The following ANKFN1 variants were observed in gnomAD, a reference collection of about 807,000 sequenced individuals.
The protein encoded by ANKFN1 is ankyrin repeat and fibronectin type III domain containing 1.
Under a neutral mutation model 108.7 loss-of-function variants are expected in ANKFN1, and 74 were observed. That is an observed-to-expected ratio of 0.68 (90% CI 0.56 to 0.83). The LOEUF is 0.83. Ranked by LOEUF, ANKFN1 falls within the 40% of genes least tolerant of loss-of-function variation. The pLI, the probability that ANKFN1 is intolerant of heterozygous loss-of-function variation, is 0.00. For synonymous variants in ANKFN1, 547 were observed against 516.2 expected (o/e 1.06, Z -0.81); for missense variants, 1,505 against 1,382.3 (o/e 1.09, Z -1.41).
intron 1 of ANKFN1, among the ~76,000 whole-genome samples, chr17:56,196,352 A>C (rs75870778): frequency 0.025 from 3,875 of 152,328 alleles, 78 homozygotes; most frequent in Non-Finnish European, 0.036. Flanking sequence ...CCAGGTACTC[A>C]GTCAAGTAAT....
chr17:56,299,272 T>C (rs904026134), intron 3 of ANKFN1, among the ~76,000 whole-genome samples: 1 of 152,130 alleles, frequency 6.6e-6, no homozygotes, highest in Non-Finnish European at 1.5e-5. Context: ...TGGTGAGGTC[T>C]CCCCGCATCT....
intron 4 of ANKFN1, among the ~76,000 whole-genome samples, chr17:56,061,191 A>G (rs1006911145): frequency 9.5e-5 from 14 of 147,650 alleles, no homozygotes; most frequent in African/African-American, 3.5e-4. Flanking sequence ...AATTTTATGC[A>G]TGTCTTTAGA....
At chr17:56,183,969 A>G (rs184411120) in intron 1 of ANKFN1, among the ~76,000 whole-genome samples, 3 of 152,196 alleles carry the variant, frequency 2.0e-5, no homozygotes, top group Admixed American at 6.5e-5. Context: ...GAGTTGCTTC[A>G]TATGAATAAG....
chr17:56,485,326 T>A (rs1365433930), intron 18 of ANKFN1, among the ~76,000 whole-genome samples: 1 of 152,204 alleles, frequency 6.6e-6, no homozygotes, highest in Non-Finnish European at 1.5e-5. Flanking sequence ...AGCTGGGTGA[T>A]CTGGGAAGGT....
At chr17:56,105,487 T>C (rs528120173) in intron 4 of ANKFN1, among the ~76,000 whole-genome samples, 259 of 152,238 alleles carry the variant, frequency 1.7e-3, no homozygotes, top group African/African-American at 5.6e-3. Context: ...CCATCCTTCC[T>C]TTGTATCTTT....
At chr17:56,273,382 A>G (rs939577580) in intron 3 of ANKFN1, among the ~76,000 whole-genome samples, 2 of 152,090 alleles carry the variant, frequency 1.3e-5, no homozygotes, top group Non-Finnish European at 2.9e-5. Context: ...ATTTTTTACT[A>G]TTATAAATAA....
intron 16 of ANKFN1, 114 bp downstream of exon 16, chr17:56,477,768 G>T: frequency 2.6e-6 from 3 of 1,155,866 alleles, no homozygotes; most frequent in Middle Eastern, 2.0e-4. Flanking sequence ...TTATGGTGAG[G>T]TGTCCTCAGA....
At chr17:56,182,992 A>G (rs1397601126) in intron 1 of ANKFN1, among the ~76,000 whole-genome samples, 1 of 152,228 alleles carries the variant, frequency 6.6e-6, no homozygotes, top group Non-Finnish European at 1.5e-5. Context: ...GGTTTACTGA[A>G]TATTTTAAGC....
At chr17:56,155,802 C>G (rs1909049232) in intron 1 of ANKFN1, among the ~76,000 whole-genome samples, 1 of 152,116 alleles carries the variant, frequency 6.6e-6, no homozygotes. Context: ...AATGGGAAGC[C>G]ATTGGATAAA....
At chr17:56,178,002 C>G (rs1911332253) in intron 1 of ANKFN1, among the ~76,000 whole-genome samples, 1 of 152,096 alleles carries the variant, frequency 6.6e-6, no homozygotes, top group South Asian at 2.1e-4. Flanking sequence ...AGAAATTTAC[C>G]AATTTTTCTT....
chr17:56,058,220 A>C (rs1904914078), intron 4 of ANKFN1, among the ~76,000 whole-genome samples: 1 of 152,226 alleles, frequency 6.6e-6, no homozygotes, highest in Non-Finnish European at 1.5e-5. Context: ...GAAGCCAAGC[A>C]TTGACTTCTC....
chr17:56,326,211 C>A lies in ANKFN1; in HGVS notation c.54-10C>A. The A allele has an allele frequency of 6.2e-7, 1 of 1,606,618 alleles. No individual in the cohort carries two copies. Among genetic ancestry groups the A allele is most frequent in the Non-Finnish European group, 8.5e-7 (1 of 1,177,284 alleles). On this transcript the variant is annotated splice_polypyrimidine_tract_variant and intron_variant, in intron 3 of 20. Coordinates refer to ENST00000682825, the MANE Select transcript of ANKFN1 (RefSeq NM_001370326.1). ...GTAGTGATCCTGTTCGCATTTTATT[C>A]TTTACACAGAATAGGAAGGAGATTC... is the stretch of plus-strand genomic sequence containing the variant.
At chr17:56,136,530 C>G (rs937340425) in intron 4 of ANKFN1, among the ~76,000 whole-genome samples, 4 of 152,130 alleles carry the variant, frequency 2.6e-5, no homozygotes, top group Admixed American at 1.3e-4. Flanking sequence ...AGAGTGGAAA[C>G]AGGGTTTTTG....
intron 8 of ANKFN1, among the ~76,000 whole-genome samples, chr17:56,408,732 C>T (rs2047996964): frequency 6.6e-6 from 1 of 152,022 alleles, no homozygotes; most frequent in African/African-American, 2.4e-5. Context: ...GAGCATCCTT[C>T]CTGGTTACAG....
rs192924561 is a variant in ANKFN1, at chr17:56,448,985, G to A, written c.1100-94G>A. The stretch of plus-strand genomic sequence containing the variant: ...GGGTGCTCATCCGCAGAGACTGTGG[G>A]TAGTATGAGCAAAACTCCGGCTCCT... On this transcript the variant is annotated intron_variant, in intron 10 of 20. Coordinates refer to ENST00000682825, the MANE Select transcript of ANKFN1 (RefSeq NM_001370326.1). The A allele has an allele frequency of 9.4e-5, 92 of 976,164 alleles. 1 individual carries two copies. In the Admixed American group the frequency reaches 1.2e-3, roughly 13 times the overall value. The allele number at this position is 976,164 out of a possible 1,614,324, so 60.5% of individuals were successfully genotyped here.
chr17:56,118,614 T>C (rs1906418465), intron 4 of ANKFN1, among the ~76,000 whole-genome samples: 1 of 152,180 alleles, frequency 6.6e-6, no homozygotes, highest in Admixed American at 6.5e-5. Flanking sequence ...GTTACATGTG[T>C]TAACACACAT....
intron 8 of ANKFN1, among the ~76,000 whole-genome samples, chr17:56,436,108 T>C (rs2048922013): frequency 6.6e-6 from 1 of 152,130 alleles, no homozygotes; most frequent in Admixed American, 6.5e-5. Context: ...CATCAGATAA[T>C]GGCAGTGTTC....
chr17:56,237,519 A>G (rs1388137436), intron 3 of ANKFN1, among the ~76,000 whole-genome samples: 3 of 152,154 alleles, frequency 2.0e-5, no homozygotes, highest in South Asian at 4.1e-4. Context: ...GGGAGGGTGT[A>G]TATGTCAGGA....
chr17:56,475,656 G>T (rs920252113), intron 15 of ANKFN1, among the ~76,000 whole-genome samples: 1 of 152,052 alleles, frequency 6.6e-6, no homozygotes, highest in Non-Finnish European at 1.5e-5. Flanking sequence ...TAGTTGTGGG[G>T]TACAAAGTGA....
Sources: gnomAD v4.1 joint callset for allele counts (sites outside exome capture counted in the v4.1 genomes callset) on GRCh38, gnomAD v4.1.1 for gene constraint, MANE v1.5 for transcripts, NCBI Gene and HGNC (gene_info 2026-07-23, HGNC 2026-07-21) for gene names.